Variants in TANC2 observed in about 807,000 individuals in gnomAD.
The protein encoded by TANC2 is tetratricopeptide repeat, ankyrin repeat and coiled-coil containing 2.
A neutral mutation model predicts 210.5 loss-of-function variants in TANC2; 26 were observed. That is an observed-to-expected ratio of 0.12 (90% CI 0.09 to 0.17). The LOEUF is 0.17. Ranked by LOEUF, TANC2 falls within the 10% of genes least tolerant of loss-of-function variation. TANC2 has a pLI of 1.00. For synonymous variants in TANC2, 931 were observed against 967.1 expected (o/e 0.96, Z 0.69); for missense variants, 2,129 against 2,608.9 (o/e 0.82, Z 4.01).
At chr17:63,073,984 G>C in exon 3 of TANC2, 1 of 1,589,566 alleles carries the variant, frequency 6.3e-7, no homozygotes, top group Non-Finnish European at 8.6e-7. Context: ...ACAGTCAAGT[G>C]TAGACTCTCG....
intron 11 of TANC2, 39 bp from the exon 12 acceptor site, chr17:63,340,062 A>G (rs749830386): frequency 6.8e-6 from 10 of 1,461,808 alleles, no homozygotes; most frequent in African/African-American, 2.8e-5. Context: ...TGCTCTTACT[A>G]CTGATAAGCC....
intron 7 of TANC2, among the ~76,000 whole-genome samples, chr17:63,209,672 A>G (rs922712947): frequency 1.3e-5 from 2 of 151,158 alleles, no homozygotes; most frequent in African/African-American, 2.4e-5. Context: ...TGACCTCGTG[A>G]TCCACCTGCC....
At chr17:63,343,409 A>G (rs1057505082) in intron 12 of TANC2, among the ~76,000 whole-genome samples, 1 of 152,250 alleles carries the variant, frequency 6.6e-6, no homozygotes, top group African/African-American at 2.4e-5. Context: ...TATGCACCTA[A>G]TAACAGAGGT....
At chr17:63,143,096 A>G (rs573004804) in intron 4 of TANC2, among the ~76,000 whole-genome samples, 4 of 152,330 alleles carry the variant, frequency 2.6e-5, no homozygotes, top group Admixed American at 2.6e-4. Flanking sequence ...AATTGAAGGG[A>G]ACAGCTCATA....
chr17:63,166,944 G>GA (rs1308242417), intron 5 of TANC2, among the ~76,000 whole-genome samples: 1 of 151,698 alleles, frequency 6.6e-6, no homozygotes, highest in East Asian at 1.9e-4. Context: ...ATAAGAAAGA[G>GA]AAAAAAAGGA....
At chr17:63,087,315 A>G (rs1235654461) in intron 3 of TANC2, among the ~76,000 whole-genome samples, 1 of 152,202 alleles carries the variant, frequency 6.6e-6, no homozygotes, top group East Asian at 1.9e-4. Context: ...TGTAGTGTTC[A>G]GGTGTGTGGG....
At chr17:63,229,384 C>T (rs1321566051) in intron 7 of TANC2, among the ~76,000 whole-genome samples, 3 of 152,070 alleles carry the variant, frequency 2.0e-5, no homozygotes. Context: ...CTGAAGTTTT[C>T]TTTTTTGTTG....
chr17:63,118,180 G>A (rs2038324926), intron 4 of TANC2, among the ~76,000 whole-genome samples: 1 of 152,080 alleles, frequency 6.6e-6, no homozygotes, highest in Non-Finnish European at 1.5e-5. Flanking sequence ...TTGTAAACAA[G>A]CTTTCTTAAT....
intron 5 of TANC2, among the ~76,000 whole-genome samples, chr17:63,187,519 C>T (rs2041031511): frequency 6.7e-6 from 1 of 149,856 alleles, no homozygotes; most frequent in Non-Finnish European, 1.5e-5. Context: ...ATAATCTGCC[C>T]CAGAGAGAAC....
intron 5 of TANC2, among the ~76,000 whole-genome samples, chr17:63,189,150 A>G (rs1195373702): frequency 1.3e-5 from 2 of 152,112 alleles, no homozygotes; most frequent in Non-Finnish European, 2.9e-5. Context: ...TAATGGGAAT[A>G]TATGACATTT....
chr17:63,068,698 T>A (rs1401610659), intron 2 of TANC2, among the ~76,000 whole-genome samples: 1 of 152,170 alleles, frequency 6.6e-6, no homozygotes, highest in Non-Finnish European at 1.5e-5. Flanking sequence ...TCATTACACT[T>A]ACATAGTATA....
chr17:63,172,010 T>C (rs1390596935), intron 5 of TANC2, among the ~76,000 whole-genome samples: 1 of 152,192 alleles, frequency 6.6e-6, no homozygotes, highest in Non-Finnish European at 1.5e-5. Flanking sequence ...TGATATTTTA[T>C]TTTCTTGGTT....
At chr17:62,969,267 A>T (rs2031548000) in intron 1 of TANC2, among the ~76,000 whole-genome samples, 1 of 152,212 alleles carries the variant, frequency 6.6e-6, no homozygotes, top group Admixed American at 6.5e-5. Flanking sequence ...ACAGATGAGA[A>T]TCTGAAACAC....
At chr17:63,124,110 C>T (rs1335243764) in intron 4 of TANC2, among the ~76,000 whole-genome samples, 1 of 152,054 alleles carries the variant, frequency 6.6e-6, no homozygotes, top group African/African-American at 2.4e-5. Context: ...TTTTCGTTGG[C>T]ACTTTGAATT....
chr17:63,205,383 C>T (rs904201296), intron 7 of TANC2, among the ~76,000 whole-genome samples: 12 of 80,232 alleles, frequency 1.5e-4, no homozygotes, highest in Non-Finnish European at 2.3e-4. Flanking sequence ...CCTCATACAC[C>T]GAAAACTACA....
At chr17:63,300,309 A>G (rs764522722) in intron 9 of TANC2, among the ~76,000 whole-genome samples, 18 of 152,190 alleles carry the variant, frequency 1.2e-4, no homozygotes, top group Non-Finnish European at 2.4e-4. Context: ...GTTTTTACCA[A>G]TTCTGTGAAG....
intron 5 of TANC2, among the ~76,000 whole-genome samples, chr17:63,188,539 G>C (rs2041073777): frequency 6.7e-6 from 1 of 149,422 alleles, no homozygotes; most frequent in Non-Finnish European, 1.5e-5. Flanking sequence ...GTTGCAGTGA[G>C]CTGAGCCCCA....
intron 2 of TANC2, among the ~76,000 whole-genome samples, chr17:63,030,051 C>T (rs1203049624): frequency 6.6e-6 from 1 of 152,106 alleles, no homozygotes; most frequent in African/African-American, 2.4e-5. Context: ...GCATTATATC[C>T]TTAAAGCTGC....
intron 2 of TANC2, among the ~76,000 whole-genome samples, chr17:63,020,330 G>A (rs2034294665): frequency 6.6e-6 from 1 of 151,980 alleles, no homozygotes; most frequent in South Asian, 2.1e-4. Context: ...TCAAGACAGA[G>A]TCTTGCTCCA....
Sources: allele counts gnomAD v4.1 joint callset (sites outside exome capture counted in the v4.1 genomes callset), GRCh38; gene constraint gnomAD v4.1.1; transcripts MANE v1.5; gene names NCBI Gene and HGNC (gene_info 2026-07-23, HGNC 2026-07-21).